Variants in GPC5 observed in about 807,000 individuals in gnomAD.
GPC5 encodes the protein glypican 5.
Under a neutral mutation model 53.9 loss-of-function variants are expected in GPC5, and 47 were observed. That is an observed-to-expected ratio of 0.87 (90% CI 0.69 to 1.11). GPC5 has a LOEUF of 1.11. Among genes scored for constraint, GPC5 ranks in the 50% most tolerant of loss-of-function variants. The pLI, the probability that GPC5 is intolerant of heterozygous loss-of-function variation, is 0.00. For synonymous variants in GPC5, 286 were observed against 263.3 expected, an observed-to-expected ratio of 1.09 and a Z score of -0.84; for missense variants, 748 against 713.1, an observed-to-expected ratio of 1.05 and a Z score of -0.56.
intron 7 of GPC5, among the ~76,000 whole-genome samples, chr13:92,154,331 C>G (rs1049125522): frequency 1.1e-4 from 17 of 152,168 alleles, no homozygotes; most frequent in African/African-American, 3.6e-4. Flanking sequence ...ATTCCAACCT[C>G]CAAACTATGT....
intron 4 of GPC5, 39 bp downstream of exon 4, chr13:91,728,704 G>C: frequency 6.3e-7 from 1 of 1,578,974 alleles, no homozygotes; most frequent in Non-Finnish European, 8.6e-7. Flanking sequence ...AGAAAAGAAA[G>C]TAAGCCATTA....
At chr13:92,615,787 G>A (rs777054832) in intron 7 of GPC5, among the ~76,000 whole-genome samples, 24 of 152,108 alleles carry the variant, frequency 1.6e-4, no homozygotes, top group Non-Finnish European at 1.9e-4. Flanking sequence ...GGGCGCGGTG[G>A]CTCAAGTCTG....
intron 7 of GPC5, among the ~76,000 whole-genome samples, chr13:92,431,466 G>T (rs1298052056): frequency 1.3e-5 from 2 of 149,030 alleles, no homozygotes; most frequent in East Asian, 4.0e-4. Flanking sequence ...AATAGTTGAG[G>T]CAACTAGAAA....
intron 6 of GPC5, among the ~76,000 whole-genome samples, chr13:91,989,939 A>G (rs889131088): frequency 6.6e-6 from 1 of 152,208 alleles, no homozygotes; most frequent in African/African-American, 2.4e-5. Context: ...AGAATTAAAA[A>G]AAACTTCACC....
chr13:91,559,121 C>A (rs1404311215), intron 2 of GPC5, among the ~76,000 whole-genome samples: 1 of 152,006 alleles, frequency 6.6e-6, no homozygotes, highest in Non-Finnish European at 1.5e-5. Context: ...TTTGGTCATG[C>A]TCTAGGATTT....
chr13:92,515,007 T>G (rs1376505875), intron 7 of GPC5, among the ~76,000 whole-genome samples: 2 of 152,096 alleles, frequency 1.3e-5, no homozygotes, highest in African/African-American at 4.8e-5. Flanking sequence ...GTTGAAAAAT[T>G]AGTAAGCAAA....
rs2138860501 is a variant in GPC5 at position 92,866,586 on chromosome 13, T to C, written c.*147T>C. ...TAACTTCTCAGAAGCCAAGCTGAAA[T>C]ATTCATAAAGTCCCTAAAACTCAAC... On this transcript the variant is annotated 3_prime_UTR_variant, in exon 8 of 8. Transcript: ENST00000377067. 1.6e-6 allele frequency: 1 copy of C among 607,348 alleles called. No homozygotes were observed. The highest frequency in any genetic ancestry group is 3.1e-5 in the East Asian group (1 of 32,036). 37.6% of individuals were successfully genotyped at this position (607,348 alleles called of 1,614,324 possible).
At chr13:92,342,930 G>A (rs1321095646) in intron 7 of GPC5, among the ~76,000 whole-genome samples, 1 of 151,962 alleles carries the variant, frequency 6.6e-6, no homozygotes, top group Non-Finnish European at 1.5e-5. Context: ...ATATCTCCAT[G>A]CACTTCCCTT....
intron 2 of GPC5, among the ~76,000 whole-genome samples, chr13:91,637,354 T>C (rs1255349217): frequency 1.3e-5 from 2 of 152,232 alleles, no homozygotes; most frequent in Non-Finnish European, 2.9e-5. Context: ...GATAAATTCA[T>C]GCGAGAGCCT....
chr13:91,629,179 G>A (rs965458363), intron 2 of GPC5, among the ~76,000 whole-genome samples: 8 of 151,986 alleles, frequency 5.3e-5, no homozygotes, highest in South Asian at 2.1e-4. Flanking sequence ...CTGGGAGTAC[G>A]ACAGGAATTA....
intron 6 of GPC5, among the ~76,000 whole-genome samples, chr13:92,110,003 G>T (rs1260634117): frequency 6.6e-6 from 1 of 152,006 alleles, no homozygotes; most frequent in African/African-American, 2.4e-5. Flanking sequence ...ATATCCAGTA[G>T]AAAAAATAAA....
At chr13:92,682,250 TA>T (rs1222949649) in intron 7 of GPC5, among the ~76,000 whole-genome samples, 18 of 152,226 alleles carry the variant, frequency 1.2e-4, no homozygotes, top group African/African-American at 3.9e-4. Flanking sequence ...ATTTATTCTG[TA>T]ATAGCAATAA....
At chr13:91,576,666 T>C (rs964315977) in intron 2 of GPC5, among the ~76,000 whole-genome samples, 1 of 152,092 alleles carries the variant, frequency 6.6e-6, no homozygotes, top group African/African-American at 2.4e-5. Context: ...GAAAGAGATG[T>C]GTTTCCAGAG....
intron 2 of GPC5, among the ~76,000 whole-genome samples, chr13:91,586,409 G>T (rs2032568132): frequency 6.9e-6 from 1 of 144,222 alleles, no homozygotes; most frequent in South Asian, 2.2e-4. Flanking sequence ...TAAAGAAAGA[G>T]CTTTAATTGA....
intron 7 of GPC5, among the ~76,000 whole-genome samples, chr13:92,402,250 A>C (rs1256949126): frequency 1.3e-5 from 2 of 152,160 alleles, no homozygotes; most frequent in Non-Finnish European, 2.9e-5. Flanking sequence ...AATAGCAGCG[A>C]GTTTGGGCAA....
At chr13:92,450,009 A>T (rs1877994018) in intron 7 of GPC5, among the ~76,000 whole-genome samples, 1 of 152,160 alleles carries the variant, frequency 6.6e-6, no homozygotes, top group South Asian at 2.1e-4. Flanking sequence ...TAAAATTAAG[A>T]ATAGAAAGAC....
chr13:92,381,897 A>ATCATATATATGATATATAT (rs1218262542), intron 7 of GPC5, among the ~76,000 whole-genome samples: 16 of 101,312 alleles, frequency 1.6e-4, no homozygotes, highest in East Asian at 5.6e-4. Context: ...TATTATATAT[A>ATCATATATATGATATATAT]ATCATATATA....
chr13:92,832,309 T>G (rs1878073430), intron 7 of GPC5, among the ~76,000 whole-genome samples: 1 of 152,238 alleles, frequency 6.6e-6, no homozygotes, highest in African/African-American at 2.4e-5. Context: ...AAGGAATTCT[T>G]CTTGAGTTTG....
intron 2 of GPC5, among the ~76,000 whole-genome samples, chr13:91,492,938 T>C (rs1884020567): frequency 6.6e-6 from 1 of 152,080 alleles, no homozygotes; most frequent in Non-Finnish European, 1.5e-5. Context: ...TCACCACCTC[T>C]TTCCCCCCAG....
Sources: allele counts gnomAD v4.1 joint callset (sites outside exome capture counted in the v4.1 genomes callset), GRCh38; gene constraint gnomAD v4.1.1; transcripts MANE v1.5; gene names NCBI Gene and HGNC (gene_info 2026-07-23, HGNC 2026-07-21).